Variants in TSPAN7 observed in about 807,000 individuals in gnomAD.
TSPAN7 encodes tetraspanin-7.
In TSPAN7, 1 loss-of-function variant was observed where a neutral mutation model predicts 17.6. That is an observed-to-expected ratio of 0.06 (90% CI 0.02 to 0.27). TSPAN7 has a LOEUF of 0.27. TSPAN7 is among the 10% of genes least tolerant of loss of function. The pLI, the probability that TSPAN7 is intolerant of heterozygous loss-of-function variation, is 1.00. For synonymous variants in TSPAN7, 78 were observed against 79.0 expected (o/e 0.99, Z 0.07); for missense variants, 112 against 201.7 (o/e 0.56, Z 2.69).
chrX:38,644,019 C>A (rs1221014978), intron 1 of TSPAN7, among the ~76,000 whole-genome samples: 1 of 111,598 alleles, frequency 9.0e-6, no homozygotes, highest in Non-Finnish European at 1.9e-5. Context: ...GTGCTTCTCT[C>A]ACTCTGACAC....
At chrX:38,622,830 T>C (rs1170281929) in intron 1 of TSPAN7, 4 of 322,319 alleles carry the variant, frequency 1.2e-5, no homozygotes, top group African/African-American at 1.1e-4. Context: ...CTGATGTTGA[T>C]CACGCACTAG....
At chrX:38,628,757 C>T (rs964333911) in intron 1 of TSPAN7, among the ~76,000 whole-genome samples, 11 of 111,926 alleles carry the variant, frequency 9.8e-5, no homozygotes, top group Admixed American at 1.9e-4. Flanking sequence ...ATTCTCATTT[C>T]ACATTTACCA....
chrX:38,578,119 A>G (rs1223030240), intron 1 of TSPAN7, among the ~76,000 whole-genome samples: 1 of 111,479 alleles, frequency 9.0e-6, no homozygotes, highest in Non-Finnish European at 1.9e-5. Flanking sequence ...GTGGCTAGAA[A>G]GGCAGGATTG....
intron 3 of TSPAN7, among the ~76,000 whole-genome samples, chrX:38,673,514 C>G (rs1275114538): frequency 9.2e-6 from 1 of 108,985 alleles, no homozygotes; most frequent in Non-Finnish European, 1.9e-5. Context: ...ATTACTGGCG[C>G]CTGCCACCAT....
chrX:38,659,828 T>C (rs942952712), intron 1 of TSPAN7, among the ~76,000 whole-genome samples: 4 of 83,089 alleles, frequency 4.8e-5, no homozygotes, highest in South Asian at 6.1e-4. Flanking sequence ...TTTTTCTTTT[T>C]TTTTTTTTTT....
chrX:38,581,726 G>T (rs904123153), intron 1 of TSPAN7, among the ~76,000 whole-genome samples: 1 of 111,880 alleles, frequency 8.9e-6, no homozygotes, highest in Non-Finnish European at 1.9e-5. Context: ...AAATTACCTT[G>T]TGCCTAAAAC....
intron 1 of TSPAN7, among the ~76,000 whole-genome samples, chrX:38,655,326 T>C (rs2069696817): frequency 1.8e-5 from 2 of 110,961 alleles, no homozygotes; most frequent in African/African-American, 6.6e-5. Flanking sequence ...CAAAAACATA[T>C]TACTATTACC....
intron 1 of TSPAN7, among the ~76,000 whole-genome samples, chrX:38,593,098 T>A (rs2069300855): frequency 9.0e-6 from 1 of 111,391 alleles, no homozygotes; most frequent in Non-Finnish European, 1.9e-5. Context: ...TTTTTTTGCT[T>A]ATATTGTTTC....
chrX:38,657,082 A>G (rs760072637), intron 1 of TSPAN7, among the ~76,000 whole-genome samples: 5 of 111,872 alleles, frequency 4.5e-5, no homozygotes, highest in African/African-American at 1.6e-4. Context: ...AGGGTAATAT[A>G]AAAGAAATGA....
intron 5 of TSPAN7, among the ~76,000 whole-genome samples, chrX:38,679,670 C>T (rs1449290230): frequency 1.9e-5 from 2 of 106,124 alleles, no homozygotes; most frequent in Non-Finnish European, 3.9e-5. Context: ...CATGGTGGCA[C>T]ACACCTGTAA....
chrX:38,676,370 G>A (rs753059813), intron 5 of TSPAN7, among the ~76,000 whole-genome samples: 6 of 110,790 alleles, frequency 5.4e-5, no homozygotes, highest in Admixed American at 9.7e-5. Context: ...TCAACCTCCC[G>A]ACTCCCAAAG....
intron 1 of TSPAN7, among the ~76,000 whole-genome samples, chrX:38,606,513 G>A (rs2069384350): frequency 9.0e-6 from 1 of 111,405 alleles, no homozygotes; most frequent in South Asian, 3.8e-4. Flanking sequence ...CTTCTTTAAG[G>A]TATTAGGTCA....
At chrX:38,627,195 C>T (rs1452168377) in intron 1 of TSPAN7, among the ~76,000 whole-genome samples, 2 of 111,541 alleles carry the variant, frequency 1.8e-5, no homozygotes, top group Non-Finnish European at 3.8e-5. Context: ...CAATTTATCA[C>T]ACATTGGGAA....
intron 1 of TSPAN7, among the ~76,000 whole-genome samples, chrX:38,589,320 G>T (rs1569303566): frequency 8.9e-6 from 1 of 111,819 alleles, no homozygotes; most frequent in Non-Finnish European, 1.9e-5. Context: ...AAATGGCCAT[G>T]TATTTTTTCA....
intron 1 of TSPAN7, among the ~76,000 whole-genome samples, chrX:38,615,359 A>G (rs1225347040): frequency 1.8e-5 from 2 of 111,919 alleles, no homozygotes; most frequent in Non-Finnish European, 3.8e-5. Flanking sequence ...AATGCAAAGT[A>G]ATATCAACCT....
In TSPAN7 at chrX:38,595,093, T is replaced by C. The variant is rs767908074; in HGVS notation, c.81+33466T>C. ...TATTTTTAACGAATAATCTTGTACA[T>C]ATGTATTTTTTTATTGGGGGTGCTT... On this transcript the variant is annotated intron_variant, in intron 1 of 7. Transcript: ENST00000378482. Among the ~76,000 whole-genome samples, 6 of 111,665 alleles carry C rather than the reference T, an allele frequency of 5.4e-5. No homozygotes were observed. The South Asian group carries it at 2.3e-3, about 42-fold the overall frequency.
At chrX:38,672,309 T>G (rs7061844) in intron 3 of TSPAN7, among the ~76,000 whole-genome samples, 15 of 104,858 alleles carry the variant, frequency 1.4e-4, no homozygotes, top group African/African-American at 5.2e-4. Context: ...CCAGGCCCTG[T>G]TTTTTTTTTT....
At chrX:38,568,208 T>C (rs986594953) in intron 1 of TSPAN7, among the ~76,000 whole-genome samples, 2 of 110,584 alleles carry the variant, frequency 1.8e-5, no homozygotes, top group Admixed American at 1.9e-4. Flanking sequence ...ATCAATATAG[T>C]CTCCCTTCAC....
chrX:38,625,725 T>A (rs963481), intron 1 of TSPAN7, among the ~76,000 whole-genome samples: 41,281 of 110,438 alleles, frequency 0.37, 5,799 homozygotes, highest in East Asian at 0.67. Flanking sequence ...AAAGCATTAG[T>A]TTTGAACAGG....
Sources: allele counts gnomAD v4.1 joint callset (sites outside exome capture counted in the v4.1 genomes callset), GRCh38; gene constraint gnomAD v4.1.1; transcripts MANE v1.5; gene names NCBI Gene and HGNC (gene_info 2026-07-23, HGNC 2026-07-21).